THRB: variants seen among roughly 807,000 people sequenced by gnomAD.
THRB encodes the protein nuclear receptor subfamily 1 group A member 2.
Under a neutral mutation model 47.8 loss-of-function variants are expected in THRB, and 12 were observed. The observed-to-expected ratio is 0.25, with a 90% CI of 0.16 to 0.41. The LOEUF is 0.41. Ranked by LOEUF, THRB falls within the 10% of genes least tolerant of loss-of-function variation. THRB has a pLI of 1.00. For synonymous variants in THRB, 218 were observed against 212.2 expected (o/e 1.03, Z -0.24); for missense variants, 348 against 589.2 (o/e 0.59, Z 4.24).
chr3:24,136,347 T>C (rs911424328), intron 8 of THRB, among the ~76,000 whole-genome samples: 2 of 152,192 alleles, frequency 1.3e-5, no homozygotes, highest in Admixed American at 6.5e-5. Flanking sequence ...TTTTCCATAA[T>C]GGATCTTAGA....
At chr3:24,349,035 C>T (rs2063200874) in intron 1 of THRB, 1 of 152,040 alleles carries the variant, frequency 6.6e-6, no homozygotes, top group African/African-American at 2.4e-5. Flanking sequence ...ATAAGATCAA[C>T]ATATAAAAGT....
intron 2 of THRB, among the ~76,000 whole-genome samples, chr3:24,308,726 G>C (rs1424611757): frequency 6.6e-6 from 1 of 152,048 alleles, no homozygotes; most frequent in Non-Finnish European, 1.5e-5. Context: ...TTTGCCCATG[G>C]TATAAACTCA....
chr3:24,346,205 A>G (rs1270424879), intron 1 of THRB, among the ~76,000 whole-genome samples: 1 of 151,940 alleles, frequency 6.6e-6, no homozygotes, highest in Non-Finnish European at 1.5e-5. Context: ...TACAAAAGGG[A>G]GGAGTGGTAA....
rs548452580 is a variant in THRB at position 24,142,740 on chromosome 3, T to G, written c.738+761A>C. Among the ~76,000 whole-genome samples the G allele has an allele frequency of 7.2e-5, 11 of 152,282 alleles. No homozygotes were observed. The East Asian group carries it at 2.1e-3, about 29-fold the overall frequency. On this transcript the variant is annotated intron_variant, in intron 8 of 10. Coordinates refer to ENST00000646209, the MANE Select transcript of THRB (RefSeq NM_001354712.2). The stretch of plus-strand genomic sequence containing the variant: ...CTGGACTTGGAACCAGAAGACCGAG[T>G]TGGTTTTGGTGCCTGGCTTTTAGCA...
intron 1 of THRB, among the ~76,000 whole-genome samples, chr3:24,384,979 A>C (rs2065981993): frequency 6.6e-6 from 1 of 152,174 alleles, no homozygotes; most frequent in South Asian, 2.1e-4. Flanking sequence ...TGTGCACTGC[A>C]TGAATATACT....
chr3:24,385,869 T>C (rs1284979626), intron 1 of THRB, among the ~76,000 whole-genome samples: 1 of 152,122 alleles, frequency 6.6e-6, no homozygotes, highest in Non-Finnish European at 1.5e-5. Context: ...CAATCTTAAA[T>C]ATCAACTCCT....
chr3:24,356,172 G>A (rs1284916559), intron 1 of THRB, among the ~76,000 whole-genome samples: 3 of 152,158 alleles, frequency 2.0e-5, no homozygotes, highest in Non-Finnish European at 4.4e-5. Context: ...AATCTAGCAA[G>A]ACAAATTTAA....
At chr3:24,416,227 G>C (rs1260336388) in intron 1 of THRB, among the ~76,000 whole-genome samples, 1 of 151,820 alleles carries the variant, frequency 6.6e-6, no homozygotes. Context: ...AAAAGACACA[G>C]GGATACAAGT....
At chr3:24,258,511 T>C (rs1019734825) in intron 3 of THRB, among the ~76,000 whole-genome samples, 2 of 152,170 alleles carry the variant, frequency 1.3e-5, no homozygotes, top group East Asian at 3.8e-4. Flanking sequence ...TGCTCTGTAC[T>C]TAGTACCATA....
intron 1 of THRB, among the ~76,000 whole-genome samples, chr3:24,404,805 C>T (rs536050185): frequency 5.3e-5 from 8 of 151,870 alleles, no homozygotes; most frequent in African/African-American, 1.9e-4. Context: ...AGAATAAGAT[C>T]AAATAATTTG....
intron 1 of THRB, among the ~76,000 whole-genome samples, chr3:24,476,931 T>A (rs546604895): frequency 6.6e-6 from 1 of 152,132 alleles, no homozygotes; most frequent in South Asian, 2.1e-4. Context: ...TGGACAAACA[T>A]CATCAAATGC....
chr3:24,223,616 G>A (rs1398394864), intron 4 of THRB, among the ~76,000 whole-genome samples: 1 of 152,116 alleles, frequency 6.6e-6, no homozygotes, highest in Non-Finnish European at 1.5e-5. Context: ...AAGACTTAGG[G>A]TAAAGGATGG....
intron 3 of THRB, among the ~76,000 whole-genome samples, chr3:24,270,438 T>C (rs2053203458): frequency 6.6e-6 from 1 of 152,162 alleles, no homozygotes; most frequent in Admixed American, 6.5e-5. Context: ...ATAACAAGAA[T>C]GAAAAGAGAT....
At chr3:24,345,020 T>C (rs1262643755) in intron 1 of THRB, among the ~76,000 whole-genome samples, 1 of 152,110 alleles carries the variant, frequency 6.6e-6, no homozygotes, top group African/African-American at 2.4e-5. Flanking sequence ...GTATCCTGGA[T>C]GAAGCCAAGG....
At chr3:24,203,516 A>T (rs185974562) in intron 4 of THRB, among the ~76,000 whole-genome samples, 2 of 152,302 alleles carry the variant, frequency 1.3e-5, no homozygotes, top group East Asian at 3.9e-4. Flanking sequence ...GAGAGACATA[A>T]GTTTTGGGGC....
chr3:24,153,806 G>A (rs1206327323), intron 5 of THRB, among the ~76,000 whole-genome samples: 1 of 152,156 alleles, frequency 6.6e-6, no homozygotes, highest in Non-Finnish European at 1.5e-5. Flanking sequence ...GAAGAAGGAA[G>A]AGGCTGAGAA....
intron 4 of THRB, among the ~76,000 whole-genome samples, chr3:24,207,678 TCTTA>T (rs1321558446): frequency 1.3e-5 from 2 of 152,072 alleles, no homozygotes; most frequent in Non-Finnish European, 2.9e-5. Flanking sequence ...AAGAGCCTAC[TCTTA>T]CTGTCAGAAA....
chr3:24,466,168 T>A (rs547134816), intron 1 of THRB, among the ~76,000 whole-genome samples: 59 of 152,268 alleles, frequency 3.9e-4, no homozygotes, highest in African/African-American at 1.4e-3. Flanking sequence ...TTCTTTCTAT[T>A]TTTTTTTCTG....
chr3:24,269,892 C>G (rs1371997580), intron 3 of THRB, among the ~76,000 whole-genome samples: 7 of 151,994 alleles, frequency 4.6e-5, no homozygotes, highest in Admixed American at 4.6e-4. Context: ...ATAATTTCTG[C>G]AAAAATAATT....
Sources: gnomAD v4.1 joint callset for allele counts (sites outside exome capture counted in the v4.1 genomes callset) on GRCh38, gnomAD v4.1.1 for gene constraint, MANE v1.5 for transcripts, NCBI Gene and HGNC (gene_info 2026-07-23, HGNC 2026-07-21) for gene names.